The following IQSEC3 variants were observed in gnomAD, a reference collection of about 807,000 sequenced individuals.
The protein encoded by IQSEC3 is IQ motif and SEC7 domain-containing protein 3.
IQSEC3 carries 50 observed loss-of-function variants against 105.4 expected under a neutral mutation model. That is an observed-to-expected ratio of 0.47 (90% CI 0.38 to 0.60). The LOEUF (loss-of-function observed/expected upper bound fraction) is 0.60. Ranked by LOEUF, IQSEC3 falls within the 20% of genes least tolerant of loss-of-function variation. The probability of loss-of-function intolerance (pLI) is 0.00; values close to 1 mark genes in which losing one functional copy is unlikely to be tolerated. For missense variants in IQSEC3, 1,415 were observed against 1,630.0 expected (o/e 0.87, Z 2.27); for synonymous variants, 708 against 746.0 (o/e 0.95, Z 0.83).
At chr12:167,816 G>A (rs1938752540) in intron 11 of IQSEC3, 1 of 152,196 alleles carries the variant, frequency 6.6e-6, no homozygotes. Context: ...AAGGAAACAG[G>A]CTAAAAGCAC....
rs1555088432 is a variant in IQSEC3 at position 139,380 on chromosome 12, G to A, written c.1991+26G>A. 5 of 1,506,204 alleles carry A rather than the reference G, an allele frequency of 3.3e-6. No individual in the cohort carries two copies. The African/African-American group carries it at 4.2e-5, about 13-fold the overall frequency. 93.3% of individuals were successfully genotyped at this position (1,506,204 alleles called of 1,614,324 possible). The stretch of plus-strand genomic sequence containing the variant: ...GTAAGTCAGCCCCGGCCCCCAGCCC[G>A]GAGTCCTGGGCGTCCTGGGAGGGAG... On this transcript the variant is annotated intron_variant, in intron 4 of 13. Coordinates refer to ENST00000538872, the MANE Select transcript of IQSEC3 (RefSeq NM_001170738.2).
chr12:154,821 C>T (rs1329904311), intron 5 of IQSEC3, among the ~76,000 whole-genome samples: 4 of 149,500 alleles, frequency 2.7e-5, no homozygotes, highest in Non-Finnish European at 5.9e-5. Flanking sequence ...CGGTCTTGCT[C>T]CCTTTTTGCG....
At chr12:127,971 C>T (rs1555083962) in intron 3 of IQSEC3, among the ~76,000 whole-genome samples, 1 of 152,236 alleles carries the variant, frequency 6.6e-6, no homozygotes, top group Non-Finnish European at 1.5e-5. Context: ...CTGCCATGAG[C>T]TGTATGGCCT....
intron 3 of IQSEC3, among the ~76,000 whole-genome samples, chr12:127,328 G>A (rs549433067): frequency 1.4e-4 from 21 of 151,954 alleles, no homozygotes; most frequent in African/African-American, 3.4e-4. Context: ...AGACCAGCCC[G>A]CCCAATATGG....
chr12:177,287 C>G lies in IQSEC3; in HGVS notation c.*2254C>G, dbSNP rs1023947992. On this transcript the variant is annotated 3_prime_UTR_variant, in exon 14 of 14. Transcript: ENST00000538872. The surrounding 1 kb of genome is among the most constrained non-coding windows in gnomAD (Gnocchi z 5.3). ...CAAGCTTACCAAGGACAGGCAGGACCCCGTCCCCTGCTCACACAGCTCTTC... is the reference window on the plus strand; with the variant it reads ...CAAGCTTACCAAGGACAGGCAGGACGCCGTCCCCTGCTCACACAGCTCTTC... The G allele has an allele frequency of 7.5e-5, 8 of 107,114 alleles. No individual in the cohort carries two copies. Among genetic ancestry groups the G allele is most frequent in the Admixed American group, 5.6e-4 (6 of 10,650 alleles). The allele number at this position is 107,114 out of a possible 1,614,324, so 6.6% of individuals were successfully genotyped here.
intron 2 of IQSEC3, among the ~76,000 whole-genome samples, chr12:107,498 C>T (rs1246941085): frequency 4.0e-5 from 6 of 150,880 alleles, no homozygotes; most frequent in Admixed American, 4.0e-4. Context: ...CAAGCTCCGC[C>T]TCCCGGGTTC....
chr12:125,725 C>G lies in IQSEC3; in HGVS notation c.716C>G (p.Pro239Arg). 1 of 1,531,130 alleles carries G rather than the reference C, an allele frequency of 6.5e-7. No individual in the cohort carries two copies. The highest frequency in any genetic ancestry group is 8.7e-7 in the Non-Finnish European group (1 of 1,148,684). 94.8% of individuals were successfully genotyped at this position (1,531,130 alleles called of 1,614,324 possible). ...VAAGRPSAHA[P>R]KAQAQELQEE... ...GCCGGCAGACCCAGTGCCCATGCCCCGAAGGCTCAAGCCCAGGAGCTGCAG... is the reference window on the plus strand; with the variant it reads ...GCCGGCAGACCCAGTGCCCATGCCCGGAAGGCTCAAGCCCAGGAGCTGCAG... The change falls in exon 3 of 14, where the codon CCG (proline) becomes CGG (arginine). Residue 239 changes from proline (P) to arginine (R), a missense_variant. Pro to Arg is a moderately radical substitution (Grantham distance 103). Around this residue, in one of 6 missense-constraint regions of IQSEC3, gnomAD observed 720 missense variants for 633.0 expected, o/e 1.14. Coordinates refer to ENST00000538872, the MANE Select transcript of IQSEC3 (RefSeq NM_001170738.2).
In IQSEC3 at chr12:153,691, A is replaced by C. The variant is rs1215888895; in HGVS notation, c.2154-3334A>C. On this transcript the variant is annotated intron_variant, in intron 5 of 13. Transcript: ENST00000538872. ...CAGGTGCATAGCCAGGGGAAGAACT[A>C]CATCTGTTTATGCCTCCATCCACCC... Among the ~76,000 whole-genome samples, 5 of 152,280 alleles carry C rather than the reference A, an allele frequency of 3.3e-5. No individual in the cohort carries two copies. The East Asian group carries it at 9.6e-4, about 29-fold the overall frequency.
chr12:80,683 T>C (rs557057524), intron 1 of IQSEC3, among the ~76,000 whole-genome samples: 1 of 152,290 alleles, frequency 6.6e-6, no homozygotes, highest in South Asian at 2.1e-4. Context: ...TTTATGAAGC[T>C]TACAGACAAA....
chr12:80,015 A>G (rs935477663), intron 1 of IQSEC3, among the ~76,000 whole-genome samples: 10 of 152,196 alleles, frequency 6.6e-5, no homozygotes, highest in Non-Finnish European at 1.5e-4. Flanking sequence ...TTCTTTTTTA[A>G]TAGCCGCAAA....
intron 4 of IQSEC3, chr12:139,609 C>T: frequency 2.4e-6 from 1 of 409,066 alleles, no homozygotes; most frequent in Non-Finnish European, 4.3e-6. Context: ...CATGCTTTCA[C>T]AACTGTTACA....
intron 3 of IQSEC3, among the ~76,000 whole-genome samples, chr12:132,571 G>A (rs1555085404): frequency 1.3e-5 from 2 of 152,112 alleles, no homozygotes; most frequent in African/African-American, 4.8e-5. Context: ...ATTCTGGAAG[G>A]ATATCATGGA....
intron 5 of IQSEC3, among the ~76,000 whole-genome samples, chr12:156,060 G>A (rs557047492): frequency 2.2e-4 from 33 of 152,290 alleles, no homozygotes; most frequent in Non-Finnish European, 5.9e-5. Context: ...TGAGGGGACT[G>A]GGAGGGTTCG....
chr12:75,024 C>A (rs191083113), intron 1 of IQSEC3, among the ~76,000 whole-genome samples: 173 of 152,364 alleles, frequency 1.1e-3, no homozygotes, highest in Non-Finnish European at 2.2e-3. Flanking sequence ...GTCCCCGTGC[C>A]TTCCAGGATA....
chr12:154,361 C>T (rs1423071656), intron 5 of IQSEC3, among the ~76,000 whole-genome samples: 3 of 152,234 alleles, frequency 2.0e-5, no homozygotes, highest in Non-Finnish European at 4.4e-5. Flanking sequence ...GGCCTCCCAG[C>T]ACCCCCACCA....
rs528842661 is a variant in IQSEC3 at position 107,702 on chromosome 12, G to A, written c.623+8488G>A. ...TGGGATTACAGGCGTGAGCCACCGC[G>A]CCCGGCCGGTAGTCTGTTTTCTAAC... On this transcript the variant is annotated intron_variant, in intron 2 of 13. Transcript: ENST00000538872. 3.1e-3 allele frequency among the ~76,000 whole-genome samples: 475 copies of A among 151,760 alleles called. 2 individuals are homozygous for A. Among genetic ancestry groups the A allele is most frequent in the African/African-American group, 0.011 (438 of 41,340 alleles).
chr12:174,303 C>CA (rs150921458), intron 13 of IQSEC3, among the ~76,000 whole-genome samples: 184 of 152,250 alleles, frequency 1.2e-3, no homozygotes, highest in African/African-American at 4.3e-3. Context: ...CCAGCAGGTC[C>CA]ATGAAATCAG....
At chr12:135,866 C>T (rs1184013997) in intron 3 of IQSEC3, among the ~76,000 whole-genome samples, 1 of 152,206 alleles carries the variant, frequency 6.6e-6, no homozygotes, top group East Asian at 1.9e-4. Context: ...GATGATATTG[C>T]AGCCCTGACT....
intron 5 of IQSEC3, 58 bp from the exon 6 acceptor site, chr12:156,967 G>C: frequency 6.8e-7 from 1 of 1,460,864 alleles, no homozygotes; most frequent in Non-Finnish European, 9.1e-7. Flanking sequence ...AGCGAGAATG[G>C]GTGTTGGAGG....
Sources: allele counts gnomAD v4.1 joint callset (sites outside exome capture counted in the v4.1 genomes callset), GRCh38; gene constraint gnomAD v4.1.1; regional missense constraint gnomAD v4.1.1; non-coding constraint Gnocchi (gnomAD v3.1); transcripts MANE v1.5; gene names NCBI Gene and HGNC (gene_info 2026-07-23, HGNC 2026-07-21).